Variants in NCAM2 observed in about 807,000 individuals in gnomAD.
The protein encoded by NCAM2 is N-CAM-2.
Under a neutral mutation model 98.1 loss-of-function variants are expected in NCAM2, and 30 were observed. The observed-to-expected ratio is 0.31, with a 90% CI of 0.23 to 0.41. NCAM2 has a LOEUF of 0.41. Ranked by LOEUF, NCAM2 falls within the 10% of genes least tolerant of loss-of-function variation. The probability of loss-of-function intolerance (pLI) is 1.00; values close to 1 mark genes in which losing one functional copy is unlikely to be tolerated. For missense variants in NCAM2, 867 were observed against 1,005.8 expected (o/e 0.86, Z 1.87); for synonymous variants, 368 against 342.4 (o/e 1.07, Z -0.83).
At chr21:21,267,493 A>G (rs973293121) in intron 1 of NCAM2, among the ~76,000 whole-genome samples, 4 of 152,208 alleles carry the variant, frequency 2.6e-5, no homozygotes, top group Non-Finnish European at 5.9e-5. Context: ...GTCAGTCAAC[A>G]TCATCAAATG....
intron 8 of NCAM2, among the ~76,000 whole-genome samples, chr21:21,358,142 G>C (rs566988235): frequency 3.0e-4 from 46 of 152,050 alleles, no homozygotes; most frequent in Non-Finnish European, 5.9e-4. Flanking sequence ...ATTTTCATTC[G>C]ATGTGATGTT....
At chr21:21,480,119 C>T (rs754958041) in intron 15 of NCAM2, among the ~76,000 whole-genome samples, 1 of 152,048 alleles carries the variant, frequency 6.6e-6, no homozygotes, top group Non-Finnish European at 1.5e-5. Context: ...GCAATCCCAG[C>T]ACTTTGGGAG....
intron 1 of NCAM2, among the ~76,000 whole-genome samples, chr21:21,053,801 ATTG>A (rs1341636002): frequency 2.0e-5 from 3 of 151,220 alleles, no homozygotes; most frequent in African/African-American, 4.8e-5. Flanking sequence ...CTTGGTTTAT[ATTG>A]TTGTTCTTTT....
At chr21:21,431,245 A>G (rs993000450) in intron 11 of NCAM2, among the ~76,000 whole-genome samples, 3 of 151,602 alleles carry the variant, frequency 2.0e-5, no homozygotes, top group African/African-American at 7.3e-5. Flanking sequence ...GAAGAGATTC[A>G]TAGAGAAATT....
At chr21:21,024,566 GA>G (rs1239943615) in intron 1 of NCAM2, among the ~76,000 whole-genome samples, 6 of 152,028 alleles carry the variant, frequency 3.9e-5, no homozygotes, top group African/African-American at 4.8e-5. Flanking sequence ...AACTTAAGTA[GA>G]AAAAAACTTT....
At chr21:21,442,622 T>G (rs1458060679) in intron 12 of NCAM2, among the ~76,000 whole-genome samples, 4 of 152,106 alleles carry the variant, frequency 2.6e-5, no homozygotes, top group Non-Finnish European at 4.4e-5. Context: ...TTTGGATGCT[T>G]AAAGTCAGGA....
intron 10 of NCAM2, among the ~76,000 whole-genome samples, chr21:21,416,658 G>A (rs1569039667): frequency 6.6e-6 from 1 of 152,058 alleles, no homozygotes; most frequent in African/African-American, 2.4e-5. Flanking sequence ...GATGTTTCTT[G>A]ATTAATATTT....
rs2063960590 is a variant in NCAM2 at position 20,998,559 on chromosome 21, T to A, written c.-5T>A. 1 of 1,613,890 alleles carries A rather than the reference T, an allele frequency of 6.2e-7. No homozygotes were observed. The highest frequency in any genetic ancestry group is 1.1e-5 in the South Asian group (1 of 91,088). ...GAAACTGTCCACCGGTGTCACGTCC[T>A]GAACATGAGCCTCCTCCTCTCCTTC... On this transcript the variant is annotated 5_prime_UTR_variant, in exon 1 of 18. Transcript: ENST00000400546.
At chr21:21,323,791 A>G (rs534886418) in intron 5 of NCAM2, among the ~76,000 whole-genome samples, 19 of 152,214 alleles carry the variant, frequency 1.2e-4, no homozygotes, top group Non-Finnish European at 1.0e-4. Flanking sequence ...GTTTCTCTTC[A>G]TAAAATGTTC....
chr21:21,500,577 G>A (rs1281272310), intron 15 of NCAM2, among the ~76,000 whole-genome samples: 4 of 151,778 alleles, frequency 2.6e-5, no homozygotes, highest in Non-Finnish European at 4.4e-5. Context: ...ATGCAAATGC[G>A]ATCTGAAAGT....
chr21:21,508,847 T>TTTTTAAA lies in NCAM2; in HGVS notation c.2078-4_2078-3insTTTTAAA. The stretch of plus-strand genomic sequence containing the variant: ...TTTTTTTTTTTTTTTTTTTACTTTT[T>TTTTTAAA]AAGACACGCTGTTTAATGGTCTTGG... On this transcript the variant is annotated splice_polypyrimidine_tract_variant and splice_region_variant and intron_variant, in intron 15 of 17. Coordinates refer to ENST00000400546, the MANE Select transcript of NCAM2 (RefSeq NM_004540.5). The TTTTTAAA allele has an allele frequency of 1.0e-6, 1 of 987,250 alleles. No individual in the cohort carries two copies. Among genetic ancestry groups the TTTTTAAA allele is most frequent in the Non-Finnish European group, 1.5e-6 (1 of 683,430 alleles). The allele number at this position is 987,250 out of a possible 1,614,324, so 61.2% of individuals were successfully genotyped here. A position where few individuals can be genotyped will look rare whatever the true frequency, so the allele number is the denominator to read the frequency against.
At chr21:21,311,857 T>A (rs1409684583) in intron 5 of NCAM2, among the ~76,000 whole-genome samples, 2 of 152,190 alleles carry the variant, frequency 1.3e-5, no homozygotes, top group African/African-American at 2.4e-5. Context: ...TTTTCTTTAA[T>A]CCTTTGACTG....
chr21:21,483,302 G>T (rs1394991578), intron 15 of NCAM2, among the ~76,000 whole-genome samples: 1 of 151,772 alleles, frequency 6.6e-6, no homozygotes, highest in East Asian at 1.9e-4. Context: ...AAATAATTCT[G>T]CCCTCTGGGA....
intron 16 of NCAM2, among the ~76,000 whole-genome samples, chr21:21,525,309 C>A (rs189930717): frequency 1.3e-5 from 2 of 151,960 alleles, no homozygotes; most frequent in African/African-American, 4.8e-5. Context: ...AGAAAATACA[C>A]AAGAATATCA....
chr21:21,477,629 C>T (rs1017793145), intron 15 of NCAM2, among the ~76,000 whole-genome samples, 158 bp downstream of exon 15: 5 of 152,090 alleles, frequency 3.3e-5, no homozygotes, highest in South Asian at 2.1e-4. Flanking sequence ...AGTTTCTCAT[C>T]GCTCTTGCCA....
intron 8 of NCAM2, among the ~76,000 whole-genome samples, chr21:21,371,604 C>A (rs2075916341): frequency 6.6e-6 from 1 of 151,702 alleles, no homozygotes; most frequent in Non-Finnish European, 1.5e-5. Flanking sequence ...ATTCTTCCCT[C>A]AACACCACCC....
intron 1 of NCAM2, among the ~76,000 whole-genome samples, chr21:21,264,939 G>GTGTATATATA (rs2072090526): frequency 1.4e-4 from 2 of 13,924 alleles, no homozygotes; most frequent in Non-Finnish European, 3.5e-4. Flanking sequence ...ATATATATGT[G>GTGTATATATA]TGTGTATATA....
At chr21:21,265,570 A>T (rs1234400139) in intron 1 of NCAM2, among the ~76,000 whole-genome samples, 2 of 149,746 alleles carry the variant, frequency 1.3e-5, no homozygotes, top group South Asian at 4.2e-4. Flanking sequence ...TATAAGTGGA[A>T]TACTACACAG....
intron 12 of NCAM2, among the ~76,000 whole-genome samples, chr21:21,451,833 T>C (rs761026657): frequency 1.3e-5 from 2 of 152,116 alleles, no homozygotes; most frequent in Non-Finnish European, 2.9e-5. Context: ...CTCCACAGTT[T>C]ATTGTGACAC....
Sources: gnomAD v4.1 joint callset for allele counts (sites outside exome capture counted in the v4.1 genomes callset) on GRCh38, gnomAD v4.1.1 for gene constraint, MANE v1.5 for transcripts, NCBI Gene and HGNC (gene_info 2026-07-23, HGNC 2026-07-21) for gene names.